Variants in CWF19L2 observed in about 807,000 individuals in gnomAD.
CWF19L2 encodes the protein CWF19-like protein 2.
In CWF19L2, 98 loss-of-function variants were observed where a neutral mutation model predicts 111.7. The ratio of observed to expected loss-of-function variants is 0.88; its 90% CI spans 0.75 to 1.04. CWF19L2 has a LOEUF of 1.04. Ranked by LOEUF, CWF19L2 falls within the 50% of genes least tolerant of loss-of-function variation. The pLI, the probability that CWF19L2 is intolerant of heterozygous loss-of-function variation, is 0.00. For synonymous variants in CWF19L2, 351 were observed against 342.9 expected, an observed-to-expected ratio of 1.02 and a Z score of -0.26; for missense variants, 1,101 against 1,051.4, an observed-to-expected ratio of 1.05 and a Z score of -0.65.
chr11:107,429,908 A>C (rs922314916), intron 7 of CWF19L2, among the ~76,000 whole-genome samples: 2 of 151,912 alleles, frequency 1.3e-5, no homozygotes, highest in Admixed American at 1.3e-4. Context: ...AAGGAAGAAA[A>C]GACAGTGCTG....
chr11:107,451,133 T>TTGTATAATTGTATAATTATG (rs1371612567), intron 3 of CWF19L2, among the ~76,000 whole-genome samples: 2 of 151,946 alleles, frequency 1.3e-5, no homozygotes, highest in African/African-American at 4.8e-5. Flanking sequence ...AAAACTGAAA[T>TTGTATAATTGTATAATTATG]TATACAGAGT....
chr11:107,341,234 T>A (rs988639590), intron 14 of CWF19L2, among the ~76,000 whole-genome samples: 1 of 152,202 alleles, frequency 6.6e-6, no homozygotes, highest in African/African-American at 2.4e-5. Flanking sequence ...TAGCACAACA[T>A]TGTGATGTGA....
intron 12 of CWF19L2, among the ~76,000 whole-genome samples, chr11:107,360,599 A>AT (rs2134555429): frequency 6.6e-6 from 1 of 152,292 alleles, no homozygotes; most frequent in African/African-American, 2.4e-5. Context: ...TACATTCCCC[A>AT]CAACAGTGCA....
At chr11:107,341,286 C>T (rs1022339336) in intron 14 of CWF19L2, among the ~76,000 whole-genome samples, 1 of 152,098 alleles carries the variant, frequency 6.6e-6, no homozygotes, top group Non-Finnish European at 1.5e-5. Context: ...AGCTTCCTTC[C>T]GGCAGTCTTT....
At chr11:107,335,502 C>T (rs1859909106) in intron 15 of CWF19L2, among the ~76,000 whole-genome samples, 1 of 152,134 alleles carries the variant, frequency 6.6e-6, no homozygotes, top group Non-Finnish European at 1.5e-5. Flanking sequence ...CAGATAGCAA[C>T]TTAACTTTGA....
chr11:107,420,035 T>A (rs565461098), intron 8 of CWF19L2, among the ~76,000 whole-genome samples: 3 of 149,686 alleles, frequency 2.0e-5, no homozygotes, highest in South Asian at 4.2e-4. Context: ...AACCACTATT[T>A]AAAAAAAAAT....
At chr11:107,352,642 A>C (rs1199812740) in intron 13 of CWF19L2, among the ~76,000 whole-genome samples, 1 of 152,106 alleles carries the variant, frequency 6.6e-6, no homozygotes, top group Non-Finnish European at 1.5e-5. Context: ...AAAATTATTT[A>C]ATTTTGAATG....
chr11:107,423,382 AAC>A (rs1861328619), intron 8 of CWF19L2, among the ~76,000 whole-genome samples: 1 of 151,984 alleles, frequency 6.6e-6, no homozygotes, highest in Admixed American at 6.6e-5. Context: ...ATGTATGTAT[AAC>A]ACAAATTAAA....
intron 12 of CWF19L2, among the ~76,000 whole-genome samples, chr11:107,389,249 T>C (rs988233632): frequency 6.6e-6 from 1 of 152,186 alleles, no homozygotes; most frequent in Non-Finnish European, 1.5e-5. Flanking sequence ...AAGTTGGCCA[T>C]TTTTTTCTGT....
chr11:107,336,303 T>C lies in CWF19L2; in HGVS notation c.2358+255A>G, dbSNP rs566506862. Among the ~76,000 whole-genome samples, 9 of 152,126 alleles carry C rather than the reference T, an allele frequency of 5.9e-5. No individual in the cohort carries two copies. In the East Asian group the frequency reaches 1.8e-3, roughly 30 times the overall value. ...CTGGGACTACAGGTGCCCACCACCA[T>C]GCCCAGTTAATTTTTGTATTTTTAG... On this transcript the variant is annotated intron_variant, in intron 15 of 17. Coordinates refer to ENST00000282251, the MANE Select transcript of CWF19L2 (RefSeq NM_152434.3).
intron 14 of CWF19L2, among the ~76,000 whole-genome samples, chr11:107,342,377 C>T (rs533168944): frequency 6.6e-6 from 1 of 150,880 alleles, no homozygotes; most frequent in East Asian, 2.0e-4. Context: ...ATTATTATTT[C>T]TTAAATTTCT....
chr11:107,457,427 G>C (rs1036799858), intron 1 of CWF19L2, among the ~76,000 whole-genome samples: 2 of 152,202 alleles, frequency 1.3e-5, no homozygotes, highest in Non-Finnish European at 1.5e-5. Context: ...AAAGTGTGCA[G>C]TCCGAGTGAT....
At chr11:107,429,494 C>A (rs377341279) in intron 7 of CWF19L2, 43 bp from the exon 8 acceptor site, 1 of 1,446,120 alleles carries the variant, frequency 6.9e-7, no homozygotes, top group Non-Finnish European at 9.2e-7. Context: ...AAATTAGGAA[C>A]GGCTCAGTGA....
intron 3 of CWF19L2, among the ~76,000 whole-genome samples, chr11:107,449,298 A>G (rs914852548): frequency 2.0e-5 from 3 of 152,144 alleles, no homozygotes; most frequent in African/African-American, 4.8e-5. Flanking sequence ...CTGAGAGAAT[A>G]CAATGTCTGC....
rs1861425122 is a variant in CWF19L2, at chr11:107,429,173, T to G, written c.1059A>C (p.Pro353=). Residue 353 remains proline (P), a synonymous_variant, in exon 8 of 18, where the codon CCA becomes CCC. Coordinates refer to ENST00000282251, the MANE Select transcript of CWF19L2 (RefSeq NM_152434.3). ...CAAAAGAAAACTCTTGATTTTGCCT[T>G]GGGTTAGATTCTCTTCTACACGTTT... ...SLETCRRESN[P]RQNQEFSFGN... 1.2e-6 allele frequency: 2 copies of G among 1,613,764 alleles called. No homozygotes were observed. Among genetic ancestry groups the G allele is most frequent in the Admixed American group, 3.3e-5 (2 of 59,978 alleles).
rs375298606 is a variant in CWF19L2, at chr11:107,388,215, T to C, written c.1872+1859A>G. ...TTCTACAAAACTATTTTCAATTTTA[T>C]AATATATTGTTACATAGTTTATATA... is the stretch of plus-strand genomic sequence containing the variant. On this transcript the variant is annotated intron_variant, in intron 12 of 17. Transcript: ENST00000282251. Among the ~76,000 whole-genome samples, 407 of 152,340 alleles carry C rather than the reference T, an allele frequency of 2.7e-3. 5 individuals carry two copies. Among genetic ancestry groups the C allele is most frequent in the South Asian group, 0.02 (96 of 4,830 alleles).
intron 3 of CWF19L2, among the ~76,000 whole-genome samples, chr11:107,445,100 G>A (rs1331482663): frequency 2.0e-5 from 3 of 152,152 alleles, no homozygotes; most frequent in African/African-American, 7.2e-5. Context: ...AGAACTCAGG[G>A]TAGGGGAAAT....
chr11:107,397,638 C>G (rs1157500683), intron 10 of CWF19L2, among the ~76,000 whole-genome samples: 1 of 152,086 alleles, frequency 6.6e-6, no homozygotes, highest in Non-Finnish European at 1.5e-5. Flanking sequence ...GGGCCTCACC[C>G]ACCACCAGTC....
Position 107,418,199 on chromosome 11 carries a change from T to A in CWF19L2, c.1522A>T (p.Asn508Tyr). The change falls in exon 9 of 18, where the codon AAT becomes TAT. Residue 508 changes from asparagine (N) to tyrosine (Y), a missense_variant. Transcript: ENST00000282251. ...GCAACATCTAAGAGTCTTACCATAT[T>A]CCCCATCATCTCTGCTTTGATAATC... is the stretch of plus-strand genomic sequence containing the variant. Reference protein sequence around the residue: ...AKIIKAEMMGNMELAEQLKVQ... With the variant: ...AKIIKAEMMGYMELAEQLKVQ... 1 of 1,584,166 alleles carries A rather than the reference T, an allele frequency of 6.3e-7. No individual in the cohort carries two copies. The highest frequency in any genetic ancestry group is 8.7e-7 in the Non-Finnish European group (1 of 1,152,778).
Sources: allele counts gnomAD v4.1 joint callset (sites outside exome capture counted in the v4.1 genomes callset), GRCh38; gene constraint gnomAD v4.1.1; transcripts MANE v1.5; gene names NCBI Gene and HGNC (gene_info 2026-07-23, HGNC 2026-07-21).